Variants in STPG2 observed in about 807,000 individuals in gnomAD.
The protein encoded by STPG2 is sperm-tail PG-rich repeat-containing protein 2.
In STPG2, 56 loss-of-function variants were observed where a neutral mutation model predicts 54.2. The observed-to-expected ratio is 1.03, with a 90% confidence interval of 0.83 to 1.29. The LOEUF is 1.29. Ranked by LOEUF, STPG2 falls within the 50% of genes most tolerant of loss-of-function variation. The pLI is 0.00. For missense variants in STPG2, 596 were observed against 544.9 expected, an observed-to-expected ratio of 1.09 and a Z score of -0.93; for synonymous variants, 200 against 181.8, an observed-to-expected ratio of 1.10 and a Z score of -0.81.
At chr4:97,696,238 T>C (rs1431995491) in intron 10 of STPG2, among the ~76,000 whole-genome samples, 4 of 152,214 alleles carry the variant, frequency 2.6e-5, no homozygotes. Flanking sequence ...TACAGTCAAT[T>C]GATCTTTGAC....
At chr4:97,910,824 A>C (rs1216762242) in intron 8 of STPG2, among the ~76,000 whole-genome samples, 2 of 151,304 alleles carry the variant, frequency 1.3e-5, no homozygotes, top group Non-Finnish European at 2.9e-5. Flanking sequence ...AAGCAATTAT[A>C]AATTCTTGGA....
chr4:97,817,923 T>TTA lies in STPG2; in HGVS notation c.1204+22848_1204+22849dup, dbSNP rs146389941. On this transcript the variant is annotated intron_variant, in intron 9 of 10. Transcript: ENST00000295268. ...TTATATGCATCAGATCTACTCAGAA[T>TTA]TATATATATATATATACTCTGTCCT... Among the ~76,000 whole-genome samples the TTA allele has an allele frequency of 3.5e-3, 526 of 150,038 alleles. 3 individuals carry two copies. The highest frequency in any genetic ancestry group is 0.011 in the African/African-American group (448 of 41,148).
chr4:97,831,081 C>T (rs978198658), intron 9 of STPG2, among the ~76,000 whole-genome samples: 1 of 152,150 alleles, frequency 6.6e-6, no homozygotes, highest in African/African-American at 2.4e-5. Context: ...TTCTTCTCAG[C>T]ACCTCATCTG....
At chr4:97,762,516 T>A (rs577173245) in intron 9 of STPG2, among the ~76,000 whole-genome samples, 52 of 152,268 alleles carry the variant, frequency 3.4e-4, no homozygotes, top group Admixed American at 2.2e-3. Context: ...GCCTTAGAGA[T>A]GTGCGCACCA....
chr4:97,562,946 G>A (rs1732301410), intron 10 of STPG2, among the ~76,000 whole-genome samples: 1 of 152,150 alleles, frequency 6.6e-6, no homozygotes, highest in Non-Finnish European at 1.5e-5. Context: ...TCAGGATGAT[G>A]CTGGCATCAT....
At chr4:97,743,685 T>C (rs2149039558) in intron 9 of STPG2, among the ~76,000 whole-genome samples, 1 of 151,766 alleles carries the variant, frequency 6.6e-6, no homozygotes, top group South Asian at 2.1e-4. Flanking sequence ...CAAAGAAATT[T>C]CAATGGAATG....
At position 97,962,289 on chromosome 4, in the gene STPG2, T is replaced by C. The variant is rs563390163; in HGVS notation, c.933+9991A>G. 3.3e-5 allele frequency among the ~76,000 whole-genome samples: 5 copies of C among 152,164 alleles called. No homozygotes were observed. In the South Asian group the frequency reaches 1.0e-3, roughly 32 times the overall value. On this transcript the variant is annotated intron_variant, in intron 7 of 10. Coordinates refer to ENST00000295268, the MANE Select transcript of STPG2 (RefSeq NM_174952.3). ...GCTGGGATGATGGATGCACCAAATC[T>C]CACAAATCACCACTAAAGAATTTAT... is the stretch of plus-strand genomic sequence containing the variant.
intron 5 of STPG2, among the ~76,000 whole-genome samples, chr4:97,989,459 T>C (rs1734943441): frequency 6.6e-6 from 1 of 152,056 alleles, no homozygotes; most frequent in Non-Finnish European, 1.5e-5. Context: ...TACATATATA[T>C]CTATGATAAA....
At chr4:98,024,954 G>T (rs574777592) in intron 5 of STPG2, among the ~76,000 whole-genome samples, 23 of 152,236 alleles carry the variant, frequency 1.5e-4, no homozygotes, top group African/African-American at 5.5e-4. Context: ...AGGTCTTTAG[G>T]ATTCTCTTGA....
intron 7 of STPG2, among the ~76,000 whole-genome samples, chr4:97,956,435 G>T (rs183473473): frequency 6.6e-6 from 1 of 152,248 alleles, no homozygotes; most frequent in Non-Finnish European, 1.5e-5. Flanking sequence ...GAACTAGATG[G>T]CATCCCACTT....
intron 4 of STPG2, among the ~76,000 whole-genome samples, chr4:97,527,938 A>T (rs1350861267): frequency 1.3e-5 from 2 of 151,882 alleles, no homozygotes; most frequent in Admixed American, 6.6e-5. Flanking sequence ...TTTTTCTCCC[A>T]TTCTTTAGGT....
At chr4:98,068,393 T>G (rs1266527354) in intron 5 of STPG2, among the ~76,000 whole-genome samples, 1 of 152,198 alleles carries the variant, frequency 6.6e-6, no homozygotes, top group Non-Finnish European at 1.5e-5. Context: ...AGAGACTACA[T>G]GTACATTTGT....
chr4:97,816,183 A>G (rs1727903087), intron 9 of STPG2, among the ~76,000 whole-genome samples: 1 of 152,120 alleles, frequency 6.6e-6, no homozygotes, highest in Admixed American at 6.6e-5. Context: ...TTCCAGCTTC[A>G]TCCATGTCCC....
At chr4:97,637,294 G>T (rs1457940975) in intron 10 of STPG2, among the ~76,000 whole-genome samples, 1 of 152,108 alleles carries the variant, frequency 6.6e-6, no homozygotes. Flanking sequence ...ATTCAACAAT[G>T]CTTCATGCTA....
intron 9 of STPG2, among the ~76,000 whole-genome samples, chr4:97,738,754 A>T (rs369274035): frequency 2.0e-5 from 3 of 152,056 alleles, no homozygotes; most frequent in Non-Finnish European, 4.4e-5. Flanking sequence ...CTCCCACACA[A>T]TAATAATGGG....
intron 4 of STPG2, among the ~76,000 whole-genome samples, chr4:97,507,075 C>A (rs1349095456): frequency 6.6e-6 from 1 of 151,898 alleles, no homozygotes; most frequent in African/African-American, 2.4e-5. Flanking sequence ...CCTATCATCC[C>A]AGCTACTTGG....
At chr4:97,890,052 A>C (rs1730710901) in intron 8 of STPG2, among the ~76,000 whole-genome samples, 1 of 152,124 alleles carries the variant, frequency 6.6e-6, no homozygotes, top group African/African-American at 2.4e-5. Flanking sequence ...GTTTTTCCAG[A>C]TTGGTGGCAT....
intron 10 of STPG2, among the ~76,000 whole-genome samples, chr4:97,607,369 A>T (rs1733623071): frequency 5.3e-5 from 8 of 152,168 alleles, no homozygotes; most frequent in Admixed American, 5.2e-4. Flanking sequence ...ACCATCTTGT[A>T]GATGTAAGGA....
At chr4:97,799,542 C>A (rs962530529) in intron 9 of STPG2, among the ~76,000 whole-genome samples, 2 of 152,108 alleles carry the variant, frequency 1.3e-5, no homozygotes, top group African/African-American at 2.4e-5. Context: ...GAGTTTCTGC[C>A]GAGAGATCCG....
Sources: gnomAD v4.1 joint callset for allele counts (sites outside exome capture counted in the v4.1 genomes callset) on GRCh38, gnomAD v4.1.1 for gene constraint, MANE v1.5 for transcripts, NCBI Gene and HGNC (gene_info 2026-07-23, HGNC 2026-07-21) for gene names.